The following LNX1 variants were observed in gnomAD, a reference collection of about 807,000 sequenced individuals.
LNX1 encodes ligand of numb-protein X 1, also known as E3 ubiquitin-protein ligase LNX.
In LNX1, 54 loss-of-function variants were observed where a neutral mutation model predicts 68.4. That is an observed-to-expected ratio of 0.79 (90% confidence interval 0.63 to 0.99). The LOEUF (loss-of-function observed/expected upper bound fraction) is 0.99, where lower values mean the gene tolerates loss of function less well. Among genes scored for constraint, LNX1 ranks in the 50% least tolerant of loss-of-function variants. The pLI is 0.00. For synonymous variants in LNX1, 336 were observed against 350.0 expected (o/e 0.96, Z 0.45); for missense variants, 906 against 926.4 (o/e 0.98, Z 0.29).
chr4:53,632,531 G>T (rs996548498), intron 1 of LNX1, among the ~76,000 whole-genome samples: 9 of 152,330 alleles, frequency 5.9e-5, no homozygotes, highest in Non-Finnish European at 1.0e-4. Context: ...TTGCCTCATG[G>T]CAGGATGAAT....
Position 53,637,552 on chromosome 4 carries a change from C to A in LNX1, c.-215+14616G>T, listed in dbSNP as rs1401602773. Reference sequence around the variant, plus strand: ...TTTTCACAACTCTGTGAAGTTGTAGCATTGCTCAATCCCCACGACACTGTA... The same window carrying A: ...TTTTCACAACTCTGTGAAGTTGTAGAATTGCTCAATCCCCACGACACTGTA... On this transcript the variant is annotated intron_variant, in intron 1 of 2. Coordinates refer to the LNX1 transcript ENST00000507168. Among the ~76,000 whole-genome samples the A allele has an allele frequency of 1.3e-4, 20 of 152,118 alleles. 1 individual carries two copies. Among genetic ancestry groups the A allele is most frequent in the Admixed American group, 1.3e-3 (20 of 15,270 alleles).
At chr4:53,624,492 T>C (rs188330001) in intron 1 of LNX1, among the ~76,000 whole-genome samples, 1 of 152,372 alleles carries the variant, frequency 6.6e-6, no homozygotes, top group African/African-American at 2.4e-5. Context: ...CACATGCAAC[T>C]GTGAGTCCAT....
intron 2 of LNX1, among the ~76,000 whole-genome samples, chr4:53,527,970 A>G (rs1361420471): frequency 6.6e-6 from 1 of 152,204 alleles, no homozygotes; most frequent in East Asian, 1.9e-4. Context: ...TTCACCCACA[A>G]ACTAATATTT....
chr4:53,460,738 G>T lies in LNX1; in HGVS notation c.*169C>A. The T allele has an allele frequency of 4.8e-6, 3 of 619,318 alleles. No homozygotes were observed. The highest frequency in any genetic ancestry group is 8.0e-6 in the Non-Finnish European group (3 of 376,690). 38.4% of individuals were successfully genotyped at this position (619,318 alleles called of 1,614,324 possible). On this transcript the variant is annotated 3_prime_UTR_variant, in exon 11 of 11. Coordinates refer to ENST00000263925, the MANE Select transcript of LNX1 (RefSeq NM_001126328.3). Reference sequence around the variant, plus strand: ...AAAACTAGTAGTTTTAATTTTTTTGGAATCATATTTTCTGAGGTGTAACTG... The same window carrying T: ...AAAACTAGTAGTTTTAATTTTTTTGTAATCATATTTTCTGAGGTGTAACTG...
At chr4:53,602,858 G>A (rs530315984) in intron 2 of LNX1, 1 of 152,258 alleles carries the variant, frequency 6.6e-6, no homozygotes, top group Admixed American at 6.5e-5. Flanking sequence ...ATACCTGAAA[G>A]CATAGAAATT....
At chr4:53,487,041 C>T (rs1241025087) in intron 6 of LNX1, among the ~76,000 whole-genome samples, 1 of 152,204 alleles carries the variant, frequency 6.6e-6, no homozygotes, top group African/African-American at 2.4e-5. Flanking sequence ...TTGTGTTCAG[C>T]CTGCAACTGA....
At chr4:53,467,936 A>G (rs1158973650) in intron 9 of LNX1, among the ~76,000 whole-genome samples, 2 of 152,248 alleles carry the variant, frequency 1.3e-5, no homozygotes, top group Non-Finnish European at 2.9e-5. Context: ...TATCCAGGAG[A>G]ACTTCCCCAA....
intron 9 of LNX1, among the ~76,000 whole-genome samples, chr4:53,467,789 G>C (rs1722806569): frequency 6.6e-6 from 1 of 152,060 alleles, no homozygotes; most frequent in African/African-American, 2.4e-5. Flanking sequence ...GAAGTTTAGA[G>C]AAAAAAGAAT....
At chr4:53,481,209 T>A (rs1015795862) in intron 7 of LNX1, among the ~76,000 whole-genome samples, 1 of 152,228 alleles carries the variant, frequency 6.6e-6, no homozygotes, top group Non-Finnish European at 1.5e-5. Context: ...ATATAACATG[T>A]GCTCTCTGGT....
At chr4:53,466,337 A>G (rs2150560476) in intron 9 of LNX1, among the ~76,000 whole-genome samples, 1 of 152,308 alleles carries the variant, frequency 6.6e-6, no homozygotes, top group Non-Finnish European at 1.5e-5. Context: ...AATTTAAATG[A>G]TCGTAAAAAA....
At chr4:53,614,304 A>G (rs1733604567) in intron 2 of LNX1, among the ~76,000 whole-genome samples, 4 of 152,078 alleles carry the variant, frequency 2.6e-5, no homozygotes. Flanking sequence ...AGAACTACTG[A>G]CTCTGGGGCT....
intron 6 of LNX1, among the ~76,000 whole-genome samples, chr4:53,490,926 T>A (rs939440549): frequency 2.6e-5 from 4 of 152,210 alleles, no homozygotes; most frequent in African/African-American, 4.8e-5. Context: ...CATTTTTTTT[T>A]AAAAGGTTTT....
intron 1 of LNX1, among the ~76,000 whole-genome samples, chr4:53,623,335 C>G (rs972166333): frequency 6.6e-6 from 1 of 151,868 alleles, no homozygotes; most frequent in Non-Finnish European, 1.5e-5. Flanking sequence ...TACCAAGTAG[C>G]TGGGACCCAC....
In LNX1 at chr4:53,496,408, G is replaced by T; in HGVS notation, c.979-14C>A. 1 of 1,574,452 alleles carries T rather than the reference G, an allele frequency of 6.4e-7. No homozygotes were observed. ...CATCCCGTTGACCTGGGGGCAGGTG[G>T]AACAATCGTGCGGTCAGCTCCACCT... On this transcript the variant is annotated splice_polypyrimidine_tract_variant and intron_variant, in intron 5 of 10. Transcript: ENST00000263925.
intron 6 of LNX1, among the ~76,000 whole-genome samples, chr4:53,493,189 G>A (rs1381488650): frequency 6.6e-6 from 1 of 151,972 alleles, no homozygotes; most frequent in Non-Finnish European, 1.5e-5. Context: ...GGCTGGTCTC[G>A]AACTACTGAC....
rs149789223 is a variant in LNX1 at position 53,491,792 on chromosome 4, C to CTTT, written c.1350+4228_1350+4230dup. Among the ~76,000 whole-genome samples, 11 of 62,214 alleles carry CTTT rather than the reference C, an allele frequency of 1.8e-4. 1 individual carries two copies. The highest frequency in any genetic ancestry group is 1.8e-4 in the African/African-American group (5 of 27,442). The allele number at this position is 62,214 out of a possible 152,430, so 40.8% of individuals were successfully genotyped here. ...TGCTTTAAGTGCTGAGGATACGATA[C>CTTT]TTTTTTTTGTTTGTTTGTTTTTTGA... On this transcript the variant is annotated intron_variant, in intron 6 of 10. Transcript: ENST00000263925.
At chr4:53,565,047 G>A (rs1730563776) in intron 2 of LNX1, among the ~76,000 whole-genome samples, 1 of 152,114 alleles carries the variant, frequency 6.6e-6, no homozygotes, top group Non-Finnish European at 1.5e-5. Context: ...AGATCAAACT[G>A]CAAGGTGGCA....
chr4:53,640,046 T>C (rs184115137), intron 1 of LNX1, among the ~76,000 whole-genome samples: 3 of 151,650 alleles, frequency 2.0e-5, no homozygotes, highest in Admixed American at 2.0e-4. Context: ...CAAAAAAAAA[T>C]AAAAATAAAA....
chr4:53,469,957 T>C (rs535554877), intron 9 of LNX1, among the ~76,000 whole-genome samples: 7 of 152,092 alleles, frequency 4.6e-5, no homozygotes, highest in African/African-American at 1.4e-4. Context: ...TTCCAATCAA[T>C]AGAAAAAGAG....
Sources: gnomAD v4.1 joint callset for allele counts (sites outside exome capture counted in the v4.1 genomes callset) on GRCh38, gnomAD v4.1.1 for gene constraint, MANE v1.5 for transcripts, NCBI Gene and HGNC (gene_info 2026-07-23, HGNC 2026-07-21) for gene names.